Variants in ATXN1 observed in about 807,000 individuals in gnomAD.
ATXN1 encodes ataxin-1.
Under a neutral mutation model 56.4 loss-of-function variants are expected in ATXN1, and 8 were observed. The observed-to-expected ratio is 0.14, with a 90% CI of 0.08 to 0.26. The LOEUF is 0.26. Among genes scored for constraint, ATXN1 ranks in the 10% least tolerant of loss-of-function variants. The pLI is 1.00. For synonymous variants in ATXN1, 514 were observed against 494.6 expected, an observed-to-expected ratio of 1.04 and a Z score of -0.52; for missense variants, 987 against 1,106.5, an observed-to-expected ratio of 0.89 and a Z score of 1.53.
In ATXN1 at chr6:16,383,376, T is replaced by C. The variant is rs9396668; in HGVS notation, c.-160-54906A>G. 8.2e-4 allele frequency among the ~76,000 whole-genome samples: 125 copies of C among 152,344 alleles called. 1 individual carries two copies. In the East Asian group the frequency reaches 0.022, roughly 27 times the overall value. On this transcript the variant is annotated intron_variant, in intron 6 of 7. Coordinates refer to ENST00000436367, the MANE Select transcript of ATXN1 (RefSeq NM_001128164.2). ...TATGCTATAATATTAAATGTAGTTA[T>C]ATATTTCCTATTTTCCTTCTTTTCA...
At chr6:16,350,427 A>C (rs1272128136) in intron 6 of ATXN1, among the ~76,000 whole-genome samples, 1 of 152,102 alleles carries the variant, frequency 6.6e-6, no homozygotes, top group African/African-American at 2.4e-5. Context: ...CCCCTCTCAA[A>C]TCAGCATGCA....
chr6:16,562,522 GA>G (rs1450236278), intron 4 of ATXN1, among the ~76,000 whole-genome samples: 2 of 144,926 alleles, frequency 1.4e-5, no homozygotes, highest in African/African-American at 2.9e-5. Flanking sequence ...GAAAAGAAAA[GA>G]AACAAAAGAA....
rs369870821 is a variant in ATXN1 at position 16,611,849 on chromosome 6, A to ATTTTTTTTTTTTT, written c.-488-25955_-488-25943dup. On this transcript the variant is annotated intron_variant, in intron 3 of 7. Coordinates refer to ENST00000436367, the MANE Select transcript of ATXN1 (RefSeq NM_001128164.2). ...GTCCTTGGAAAAATAAGCAGATGAA[A>ATTTTTTTTTTTTT]TTTTTTTTTTTTTTTTTTTTTTTTT... Among the ~76,000 whole-genome samples the ATTTTTTTTTTTTT allele has an allele frequency of 2.5e-4, 19 of 75,178 alleles. 2 individuals are homozygous for ATTTTTTTTTTTTT. Among genetic ancestry groups the ATTTTTTTTTTTTT allele is most frequent in the Non-Finnish European group, 4.1e-4 (17 of 41,518 alleles). 49.3% of individuals were successfully genotyped at this position (75,178 alleles called of 152,430 possible). A position where few individuals can be genotyped will look rare whatever the true frequency, so the allele number is the denominator to read the frequency against.
intron 6 of ATXN1, among the ~76,000 whole-genome samples, chr6:16,468,263 G>A (rs984928333): frequency 6.6e-6 from 1 of 152,192 alleles, no homozygotes; most frequent in Non-Finnish European, 1.5e-5. Flanking sequence ...TTGGCTCACT[G>A]CAAGCTCCAC....
chr6:16,348,204 C>G (rs951593665), intron 6 of ATXN1, among the ~76,000 whole-genome samples: 1 of 152,202 alleles, frequency 6.6e-6, no homozygotes. Flanking sequence ...GCTGGGATTA[C>G]AGACTTGTGC....
chr6:16,322,980 C>T (rs914265880), intron 7 of ATXN1, among the ~76,000 whole-genome samples: 3 of 152,192 alleles, frequency 2.0e-5, no homozygotes, highest in Admixed American at 6.5e-5. Flanking sequence ...AAGCCCTTCC[C>T]GGCATGCAGC....
At chr6:16,370,170 T>C (rs970459607) in intron 6 of ATXN1, among the ~76,000 whole-genome samples, 3 of 152,172 alleles carry the variant, frequency 2.0e-5, no homozygotes, top group Non-Finnish European at 4.4e-5. Context: ...CAGGAACTGA[T>C]GTAGAAAGTT....
intron 2 of ATXN1, among the ~76,000 whole-genome samples, chr6:16,675,271 C>T (rs1038686988): frequency 7.9e-5 from 12 of 152,138 alleles, no homozygotes; most frequent in Non-Finnish European, 1.6e-4. Context: ...CAAATACTGC[C>T]GTATGAGTCC....
At chr6:16,759,529 T>G in intron 1 of ATXN1, among the ~76,000 whole-genome samples, 1 of 121,574 alleles carries the variant, frequency 8.2e-6, no homozygotes, top group African/African-American at 3.2e-5. Context: ...TTCTTCCGAC[T>G]GTTTTTTTTT....
chr6:16,476,410 C>T (rs1760327361), intron 6 of ATXN1, among the ~76,000 whole-genome samples: 1 of 152,036 alleles, frequency 6.6e-6, no homozygotes, highest in Non-Finnish European at 1.5e-5. Flanking sequence ...TAATGCCATT[C>T]ACATTAGTTG....
intron 4 of ATXN1, among the ~76,000 whole-genome samples, chr6:16,533,114 G>A (rs926602434): frequency 1.3e-5 from 2 of 152,182 alleles, no homozygotes; most frequent in African/African-American, 4.8e-5. Flanking sequence ...AGATGAAAAC[G>A]TTCTGAAGAT....
intron 5 of ATXN1, among the ~76,000 whole-genome samples, chr6:16,513,767 A>C (rs1372102389): frequency 6.6e-6 from 1 of 152,098 alleles, no homozygotes; most frequent in Non-Finnish European, 1.5e-5. Context: ...TCTGACCAGC[A>C]AGGGTAGCCT....
chr6:16,667,895 A>G (rs532247327), intron 2 of ATXN1, among the ~76,000 whole-genome samples: 27 of 152,334 alleles, frequency 1.8e-4, no homozygotes, highest in African/African-American at 6.5e-4. Context: ...TGCCCGGCTC[A>G]AGACATTTGT....
chr6:16,697,239 TAAC>T (rs1043820181), intron 2 of ATXN1, among the ~76,000 whole-genome samples: 1 of 152,230 alleles, frequency 6.6e-6, no homozygotes, highest in Non-Finnish European at 1.5e-5. Flanking sequence ...CATATCAGCA[TAAC>T]AACAAGTATT....
intron 6 of ATXN1, among the ~76,000 whole-genome samples, chr6:16,357,442 G>C (rs1561865684): frequency 1.3e-5 from 2 of 151,722 alleles, no homozygotes; most frequent in Non-Finnish European, 2.9e-5. Context: ...GCTAATTTTT[G>C]TATTTTTGGT....
At chr6:16,753,172 A>G in intron 2 of ATXN1, 61 bp downstream of exon 2, 2 of 450,514 alleles carry the variant, frequency 4.4e-6, no homozygotes, top group Non-Finnish European at 9.0e-6. Context: ...GCTAGGAGGC[A>G]ATTTTCCAGG....
At chr6:16,566,951 G>T (rs2113745903) in intron 4 of ATXN1, among the ~76,000 whole-genome samples, 1 of 152,306 alleles carries the variant, frequency 6.6e-6, no homozygotes, top group African/African-American at 2.4e-5. Context: ...GGCATCGTAA[G>T]TTGTCTTTCA....
At chr6:16,681,342 G>A (rs1279474650) in intron 2 of ATXN1, among the ~76,000 whole-genome samples, 1 of 152,238 alleles carries the variant, frequency 6.6e-6, no homozygotes, top group Non-Finnish European at 1.5e-5. Context: ...CCACACTTAA[G>A]CCTGCAGTGT....
intron 4 of ATXN1, among the ~76,000 whole-genome samples, chr6:16,539,654 T>G (rs1167208659): frequency 6.6e-6 from 1 of 152,164 alleles, no homozygotes; most frequent in Non-Finnish European, 1.5e-5. Context: ...GATTTACCTT[T>G]AAACAAGGAC....
Sources: allele counts gnomAD v4.1 joint callset (sites outside exome capture counted in the v4.1 genomes callset), GRCh38; gene constraint gnomAD v4.1.1; transcripts MANE v1.5; gene names NCBI Gene and HGNC (gene_info 2026-07-23, HGNC 2026-07-21).